The following NXPE2 variants were observed in gnomAD, a reference collection of about 807,000 sequenced individuals.
NXPE2 encodes the protein NXPE family member 2.
Under a neutral mutation model 34.4 loss-of-function variants are expected in NXPE2, and 34 were observed. The observed-to-expected ratio is 0.99, with a 90% CI of 0.75 to 1.31. NXPE2 has a LOEUF of 1.31. Ranked by LOEUF, NXPE2 falls within the 40% of genes most tolerant of loss-of-function variation. NXPE2 has a pLI of 0.00. For synonymous variants in NXPE2, 235 were observed against 231.3 expected, an observed-to-expected ratio of 1.02 and a Z score of -0.15; for missense variants, 649 against 672.5, an observed-to-expected ratio of 0.97 and a Z score of 0.39.
the NXPE2 span, among the ~76,000 whole-genome samples, chr11:114,725,358 C>A: frequency 1.3e-5 from 2 of 152,050 alleles, no homozygotes; most frequent in Non-Finnish European, 2.9e-5. Context: ...TTGCCTTTGA[C>A]CTAGTTAAAG....
At chr11:114,579,484 A>C in the NXPE2 span, among the ~76,000 whole-genome samples, 1 of 152,196 alleles carries the variant, frequency 6.6e-6, no homozygotes, top group African/African-American at 2.4e-5. Flanking sequence ...CATAGCCTAG[A>C]TCTGTTAGAC....
chr11:114,614,458 C>T, the NXPE2 span, among the ~76,000 whole-genome samples: 18 of 148,044 alleles, frequency 1.2e-4, no homozygotes, highest in South Asian at 3.1e-3. Context: ...CACTGTTACC[C>T]GCTGGATGAC....
At chr11:114,704,127 A>T (rs1198489560) in intron 4 of NXPE2, 75 bp downstream of exon 4, 1 of 1,079,324 alleles carries the variant, frequency 9.3e-7, no homozygotes, top group African/African-American at 1.6e-5. Context: ...AGAGATATTT[A>T]TTCCACATTA....
chr11:114,485,514 A>G, the NXPE2 span, among the ~76,000 whole-genome samples: 3 of 149,844 alleles, frequency 2.0e-5, no homozygotes, highest in Non-Finnish European at 3.0e-5. Context: ...ACAGGCGTGA[A>G]CCACCACGCC....
the NXPE2 span, among the ~76,000 whole-genome samples, chr11:114,650,061 AC>A: frequency 6.6e-6 from 1 of 152,192 alleles, no homozygotes; most frequent in East Asian, 1.9e-4. Context: ...CACTGCTTCC[AC>A]CCTAACAATG....
the NXPE2 span, among the ~76,000 whole-genome samples, chr11:114,613,847 C>T: frequency 4.0e-5 from 6 of 149,950 alleles, no homozygotes; most frequent in South Asian, 2.1e-4. Flanking sequence ...GTGGATAATA[C>T]GTATTGCCTA....
At chr11:114,507,252 A>G in the NXPE2 span, among the ~76,000 whole-genome samples, 3 of 150,768 alleles carry the variant, frequency 2.0e-5, no homozygotes, top group East Asian at 5.8e-4. Flanking sequence ...CCAACCAAAA[A>G]AAAAAAAAAA....
the NXPE2 span, among the ~76,000 whole-genome samples, chr11:114,657,467 A>G: frequency 1.3e-5 from 2 of 152,166 alleles, no homozygotes; most frequent in African/African-American, 4.8e-5. Context: ...AAATCACAGT[A>G]TTTCATATCA....
chr11:114,503,049 T>C, the NXPE2 span, among the ~76,000 whole-genome samples: 11 of 149,062 alleles, frequency 7.4e-5, no homozygotes, highest in Non-Finnish European at 1.2e-4. Flanking sequence ...CACATAGGAT[T>C]TTGGCTAGGA....
At chr11:114,811,215 C>G in the NXPE2 span, among the ~76,000 whole-genome samples, 1 of 150,880 alleles carries the variant, frequency 6.6e-6, no homozygotes, top group Non-Finnish European at 1.5e-5. Context: ...GGGATAGCAT[C>G]AAGAGATATA....
At chr11:114,788,106 T>C in the NXPE2 span, among the ~76,000 whole-genome samples, 1 of 152,100 alleles carries the variant, frequency 6.6e-6, no homozygotes, top group Non-Finnish European at 1.5e-5. Flanking sequence ...CGCACACATG[T>C]CTAACAGAAC....
chr11:114,605,313 T>C, the NXPE2 span, among the ~76,000 whole-genome samples: 1 of 151,932 alleles, frequency 6.6e-6, no homozygotes, highest in Admixed American at 6.6e-5. Context: ...GGGTAACCAC[T>C]CTTACCTGGT....
the NXPE2 span, among the ~76,000 whole-genome samples, chr11:114,656,673 A>G: frequency 6.6e-6 from 1 of 152,008 alleles, no homozygotes; most frequent in Non-Finnish European, 1.5e-5. Flanking sequence ...AATCACAAGC[A>G]CTCCTTTACA....
chr11:114,725,123 A>G, the NXPE2 span, among the ~76,000 whole-genome samples: 12 of 152,050 alleles, frequency 7.9e-5, no homozygotes, highest in Admixed American at 7.9e-4. Flanking sequence ...TCATTAAATC[A>G]TGCAGTTATA....
the NXPE2 span, among the ~76,000 whole-genome samples, chr11:114,642,006 C>T: frequency 2.6e-5 from 4 of 151,976 alleles, no homozygotes; most frequent in African/African-American, 9.6e-5. Flanking sequence ...ATTTTAAAAA[C>T]CCAAATAAAA....
At chr11:114,508,381 T>C in the NXPE2 span, among the ~76,000 whole-genome samples, 5 of 152,178 alleles carry the variant, frequency 3.3e-5, no homozygotes, top group Non-Finnish European at 5.9e-5. Context: ...TTCACAGAAC[T>C]AGAAAAAACT....
At chr11:114,555,795 G>C in the NXPE2 span, among the ~76,000 whole-genome samples, 1 of 152,162 alleles carries the variant, frequency 6.6e-6, no homozygotes, top group Non-Finnish European at 1.5e-5. Flanking sequence ...ACTCTTTTGT[G>C]TCTGGCTTCT....
chr11:114,558,363 A>G, the NXPE2 span, among the ~76,000 whole-genome samples: 9 of 152,308 alleles, frequency 5.9e-5, no homozygotes, highest in South Asian at 1.9e-3. Flanking sequence ...AAAGATGATT[A>G]GAAGTGGCCA....
At chr11:114,725,777 A>C in the NXPE2 span, among the ~76,000 whole-genome samples, 1 of 151,660 alleles carries the variant, frequency 6.6e-6, no homozygotes, top group Non-Finnish European at 1.5e-5. Context: ...GAAGGAGCTC[A>C]AATCTCAGTT....
Sources: allele counts gnomAD v4.1 joint callset (sites outside exome capture counted in the v4.1 genomes callset), GRCh38; gene constraint gnomAD v4.1.1; transcripts MANE v1.5; gene names NCBI Gene and HGNC (gene_info 2026-07-23, HGNC 2026-07-21).